The following PSD3 variants were observed in gnomAD, a reference collection of about 807,000 sequenced individuals.
PSD3 encodes the protein pleckstrin and Sec7 domain containing 3.
A neutral mutation model predicts 105.5 loss-of-function variants in PSD3; 49 were observed. That is an observed-to-expected ratio of 0.46 (90% confidence interval 0.37 to 0.59). The LOEUF is 0.59. Among genes scored for constraint, PSD3 ranks in the 20% least tolerant of loss-of-function variants. PSD3 has a pLI of 0.00. For synonymous variants in PSD3, 557 were observed against 457.8 expected, an observed-to-expected ratio of 1.22 and a Z score of -2.77; for missense variants, 1,561 against 1,263.8, an observed-to-expected ratio of 1.24 and a Z score of -3.57.
At chr8:19,014,845 G>A (rs535171345), upstream of PSD3, among the ~76,000 whole-genome samples, 63 of 152,290 alleles carry the variant, frequency 4.1e-4, no homozygotes, top group South Asian at 0.012. The surrounding 1 kb of genome is among the most constrained non-coding windows in gnomAD (Gnocchi z 4.9). Context: ...TGCCTTGGCT[G>A]CCCCATCTGC....
rs766416100 is a variant in PSD3, at chr8:18,804,745, G to C, written c.1788C>G (p.Asp596Glu). Residue 596 changes from aspartate (D) to glutamate (E), a missense_variant, in exon 5 of 16, where the codon GAC (aspartate) becomes GAG (glutamate). Physicochemically the swap from Asp to Glu is conservative, Grantham distance 45. Coordinates refer to ENST00000327040, the MANE Select transcript of PSD3 (RefSeq NM_015310.4). ...TTGCAACATCTGATCTTTTGAATCT[G>C]TCCAGCTGATAAAGGCGTTTGGCCA... The part of the protein sequence containing the change: ...KRLAKRLYQL[D>E]RFKRSDVAKH... 2 of 1,614,078 alleles carry C rather than the reference G, an allele frequency of 1.2e-6. No homozygotes were observed. Among genetic ancestry groups the C allele is most frequent in the Admixed American group, 1.7e-5 (1 of 60,018 alleles).
chr8:19,005,269 G>A (rs1437175426), intron 1 of PSD3, among the ~76,000 whole-genome samples: 6 of 152,022 alleles, frequency 3.9e-5, no homozygotes, highest in Non-Finnish European at 5.9e-5. Context: ...GCAATAACAA[G>A]GAATGAAGTA....
chr8:18,896,923 A>T (rs1411027435), intron 2 of PSD3, among the ~76,000 whole-genome samples: 1 of 151,434 alleles, frequency 6.6e-6, no homozygotes, highest in Non-Finnish European at 1.5e-5. Context: ...CAATTCTCCT[A>T]CCTCAGCCTC....
chr8:18,924,689 T>C (rs1821250349), intron 2 of PSD3: 1 of 152,236 alleles, frequency 6.6e-6, no homozygotes, highest in African/African-American at 2.4e-5. Context: ...TGCTACTTTT[T>C]TCTTGTCTTG....
intron 4 of PSD3, among the ~76,000 whole-genome samples, chr8:18,805,452 T>C (rs1046631721): frequency 1.3e-5 from 2 of 152,168 alleles, no homozygotes; most frequent in Admixed American, 1.3e-4. Flanking sequence ...TCATATTTCA[T>C]TGGAAAAAAG....
chr8:18,782,730 G>A (rs1183156726), intron 8 of PSD3, among the ~76,000 whole-genome samples: 1 of 152,186 alleles, frequency 6.6e-6, no homozygotes, highest in Non-Finnish European at 1.5e-5. Context: ...CATAATGTCT[G>A]CGGCTGCAAC....
intron 14 of PSD3, among the ~76,000 whole-genome samples, chr8:18,564,466 T>A (rs1279822704): frequency 6.6e-6 from 1 of 151,896 alleles, no homozygotes; most frequent in Non-Finnish European, 1.5e-5. Context: ...CCGTCTCTAC[T>A]AAAAATAAAC....
At chr8:18,632,052 C>T (rs567611012) in intron 11 of PSD3, among the ~76,000 whole-genome samples, 3 of 152,140 alleles carry the variant, frequency 2.0e-5, no homozygotes, top group Admixed American at 6.6e-5. Flanking sequence ...ACAGAAAAAT[C>T]AGAAGCCATC....
chr8:18,982,816 A>T (rs1167472849), intron 1 of PSD3, among the ~76,000 whole-genome samples: 1 of 152,162 alleles, frequency 6.6e-6, no homozygotes, highest in Admixed American at 6.5e-5. Context: ...GCACAAGTAG[A>T]GTAGATCTAG....
At chr8:18,674,633 C>A (rs1799969752) in intron 9 of PSD3, among the ~76,000 whole-genome samples, 1 of 152,174 alleles carries the variant, frequency 6.6e-6, no homozygotes, top group African/African-American at 2.4e-5. Context: ...CACAGAAAAT[C>A]TCCTCAAAAC....
chr8:18,605,374 C>CT (rs1340635485), intron 11 of PSD3, among the ~76,000 whole-genome samples: 1 of 69,774 alleles, frequency 1.4e-5, no homozygotes, highest in East Asian at 6.1e-4. Flanking sequence ...AGCCTGTAGC[C>CT]CCTTTTTTTT....
chr8:18,913,870 C>T (rs1303914292), intron 2 of PSD3, among the ~76,000 whole-genome samples: 2 of 152,152 alleles, frequency 1.3e-5, no homozygotes, highest in Non-Finnish European at 2.9e-5. Context: ...ACTCAGGCTC[C>T]TACCCCAACC....
At chr8:18,701,960 A>C (rs1801608519) in intron 9 of PSD3, among the ~76,000 whole-genome samples, 1 of 152,218 alleles carries the variant, frequency 6.6e-6, no homozygotes, top group African/African-American at 2.4e-5. Flanking sequence ...TTGCCTACAA[A>C]TTATGTGAAA....
At chr8:18,908,510 A>AC (rs34787161) in intron 2 of PSD3, among the ~76,000 whole-genome samples, 1 of 152,108 alleles carries the variant, frequency 6.6e-6, no homozygotes, top group Admixed American at 6.5e-5. Context: ...GCCTCTGATT[A>AC]CCCCTTTCAC....
intron 1 of PSD3, among the ~76,000 whole-genome samples, chr8:18,997,549 T>C (rs1826145982): frequency 6.6e-6 from 1 of 151,954 alleles, no homozygotes; most frequent in Non-Finnish European, 1.5e-5. Context: ...AGCCAGATCA[T>C]GTCCCATCTT....
At position 18,892,193 on chromosome 8, in the gene PSD3, A is replaced by AC. The variant is rs1554533529; in HGVS notation, c.131-19461_131-19460insG. The stretch of plus-strand genomic sequence containing the variant: ...CTTACAATCACACACACACACACAC[A>AC]AACTTTATTTTCTATTAATATAAAC... On this transcript the variant is annotated intron_variant, in intron 2 of 15. Transcript: ENST00000327040. 1.7e-3 allele frequency among the ~76,000 whole-genome samples: 256 copies of AC among 151,416 alleles called. 6 individuals carry two copies. Among genetic ancestry groups the AC allele is most frequent in the Admixed American group, 0.015 (226 of 15,186 alleles).
At chr8:18,698,856 G>A (rs750967749) in intron 9 of PSD3, among the ~76,000 whole-genome samples, 14 of 152,150 alleles carry the variant, frequency 9.2e-5, no homozygotes, top group Non-Finnish European at 1.8e-4. Context: ...AATAATATGT[G>A]AGATAAGTTT....
rs1234822893 is a variant in PSD3, at chr8:18,533,362, T to C, written c.*2381A>G. 2.0e-5 allele frequency: 3 copies of C among 152,210 alleles called. No homozygotes were observed. Among genetic ancestry groups the C allele is most frequent in the East Asian group, 1.9e-4 (1 of 5,190 alleles). The allele number at this position is 152,210 out of a possible 1,614,324, so 9.4% of individuals were successfully genotyped here. A position where few individuals can be genotyped will look rare whatever the true frequency, so the allele number is the denominator to read the frequency against. ...TAAAGTTGTTTTTAAAGATAAACTA[T>C]GCAAACATGGTATACTGAAGCTTCA... On this transcript the variant is annotated 3_prime_UTR_variant, in exon 16 of 16. Transcript: ENST00000327040.
chr8:18,988,376 C>G (rs1825617188), intron 1 of PSD3, among the ~76,000 whole-genome samples: 1 of 152,100 alleles, frequency 6.6e-6, no homozygotes, highest in Non-Finnish European at 1.5e-5. Context: ...AAAACTGTAA[C>G]AGATGAAAAT....
Sources: allele counts gnomAD v4.1 joint callset (sites outside exome capture counted in the v4.1 genomes callset), GRCh38; gene constraint gnomAD v4.1.1; non-coding constraint Gnocchi (gnomAD v3.1); transcripts MANE v1.5; gene names NCBI Gene and HGNC (gene_info 2026-07-23, HGNC 2026-07-21).